Variants in SCFD2 observed in about 807,000 individuals in gnomAD.
The protein encoded by SCFD2 is sec1 family domain-containing protein 2.
A neutral mutation model predicts 58.9 loss-of-function variants in SCFD2; 54 were observed. That is an observed-to-expected ratio of 0.92 (90% CI 0.74 to 1.15). The LOEUF (loss-of-function observed/expected upper bound fraction) is 1.15. SCFD2 is among the 50% of genes most tolerant of loss of function. The pLI is 0.00. For missense variants in SCFD2, 805 were observed against 836.6 expected (o/e 0.96, Z 0.47); for synonymous variants, 321 against 335.9 (o/e 0.96, Z 0.49).
intron 5 of SCFD2, among the ~76,000 whole-genome samples, chr4:53,115,322 C>A (rs1369910546): frequency 6.6e-6 from 1 of 151,956 alleles, no homozygotes; most frequent in Non-Finnish European, 1.5e-5. Context: ...ATAAGATTAA[C>A]CCAAAGAAGA....
intron 5 of SCFD2, among the ~76,000 whole-genome samples, chr4:53,063,914 T>C (rs960833879): frequency 6.6e-6 from 1 of 152,092 alleles, no homozygotes; most frequent in African/African-American, 2.4e-5. Flanking sequence ...GCATCAACTG[T>C]CTAGCCCGGA....
intron 7 of SCFD2, among the ~76,000 whole-genome samples, chr4:52,896,379 T>C (rs1325045923): frequency 6.6e-6 from 1 of 152,228 alleles, no homozygotes; most frequent in East Asian, 1.9e-4. Flanking sequence ...TTTCTACATA[T>C]GGCTAGCCAG....
intron 4 of SCFD2, among the ~76,000 whole-genome samples, chr4:53,255,860 T>A (rs1253729035): frequency 7.5e-6 from 1 of 133,146 alleles, no homozygotes; most frequent in Admixed American, 7.3e-5. Flanking sequence ...CCCACCTCCA[T>A]CCCGGACGGG....
At chr4:53,300,099 T>C (rs541370692) in intron 3 of SCFD2, among the ~76,000 whole-genome samples, 4 of 152,068 alleles carry the variant, frequency 2.6e-5, no homozygotes, top group Non-Finnish European at 4.4e-5. Context: ...CACATAACAA[T>C]ACTAACCTTA....
chr4:53,185,373 T>A (rs1727705801), intron 4 of SCFD2, among the ~76,000 whole-genome samples: 1 of 152,084 alleles, frequency 6.6e-6, no homozygotes, highest in Non-Finnish European at 1.5e-5. Flanking sequence ...ATTACAGAAG[T>A]AAGTAACTCT....
Position 53,352,702 on chromosome 4 carries a change from T to C in SCFD2, c.903A>G (p.Pro301=). Residue 301 remains proline (P), a synonymous_variant, in exon 2 of 9, where the codon CCA becomes CCG. Transcript: ENST00000401642. ...EKIISALPQL[P]GHTNDVMVNM... ...TAACCATCACATCATTTGTGTGGCC[T>C]GGGAGCTGGGGAAGTGCTGAAATGA... The C allele has an allele frequency of 6.2e-7, 1 of 1,614,110 alleles. No individual in the cohort carries two copies. The highest frequency in any genetic ancestry group is 8.5e-7 in the Non-Finnish European group (1 of 1,179,972).
intron 5 of SCFD2, among the ~76,000 whole-genome samples, chr4:52,923,597 TG>T (rs966483882): frequency 7.9e-5 from 12 of 151,950 alleles, no homozygotes; most frequent in African/African-American, 2.9e-4. Flanking sequence ...TGCAGGGGAT[TG>T]GGGGGTAGGG....
chr4:53,087,815 C>G (rs147049078), intron 5 of SCFD2, among the ~76,000 whole-genome samples: 1 of 151,938 alleles, frequency 6.6e-6, no homozygotes, highest in Non-Finnish European at 1.5e-5. Context: ...CACCCACCAC[C>G]GTGCCCAGCT....
intron 5 of SCFD2, among the ~76,000 whole-genome samples, chr4:53,131,876 G>A (rs1180798468): frequency 1.3e-5 from 2 of 152,160 alleles, no homozygotes; most frequent in Non-Finnish European, 2.9e-5. Context: ...CTAATGTAGA[G>A]TTAACAAGAG....
chr4:52,878,207 T>C (rs1172484666), intron 8 of SCFD2, among the ~76,000 whole-genome samples: 3 of 152,170 alleles, frequency 2.0e-5, no homozygotes, highest in Non-Finnish European at 2.9e-5. Context: ...GCCTGACACA[T>C]AGCAGGTCTT....
chr4:52,894,642 G>C (rs898642240), intron 7 of SCFD2, among the ~76,000 whole-genome samples: 3 of 152,222 alleles, frequency 2.0e-5, no homozygotes, highest in African/African-American at 7.2e-5. Flanking sequence ...TGCCAAAGCT[G>C]TTTCTCCCTA....
At chr4:53,056,746 G>A (rs1297709237) in intron 5 of SCFD2, among the ~76,000 whole-genome samples, 3 of 152,114 alleles carry the variant, frequency 2.0e-5, no homozygotes, top group Admixed American at 6.6e-5. Context: ...CCACTCTTCA[G>A]TTTTAGATCC....
At chr4:52,998,807 T>A (rs1721800879) in intron 5 of SCFD2, among the ~76,000 whole-genome samples, 1 of 152,166 alleles carries the variant, frequency 6.6e-6, no homozygotes, top group Admixed American at 6.5e-5. Context: ...TAATCAATAA[T>A]AATAATAATA....
At chr4:53,298,009 C>G (rs1442357483) in intron 3 of SCFD2, among the ~76,000 whole-genome samples, 7 of 152,086 alleles carry the variant, frequency 4.6e-5, no homozygotes, top group Admixed American at 3.3e-4. Context: ...TCTACAGCTC[C>G]CAGCATGAAC....
chr4:53,111,236 G>C (rs1725164715), intron 5 of SCFD2, among the ~76,000 whole-genome samples: 1 of 151,962 alleles, frequency 6.6e-6, no homozygotes. Flanking sequence ...ACATAAGGTA[G>C]GTGATGGGTT....
At chr4:53,194,418 T>A (rs1577827406) in intron 4 of SCFD2, among the ~76,000 whole-genome samples, 1 of 152,306 alleles carries the variant, frequency 6.6e-6, no homozygotes, top group East Asian at 1.9e-4. Flanking sequence ...ATTATATAAG[T>A]TATTGCTAGC....
rs377047272 is a variant in SCFD2, at chr4:52,890,388, T to C, written c.1843-4522A>G. ...CAAATAAATGGGTCCAATTAATGCA[T>C]GTTGGTGTTTGCTATTTTGGTTTCT... On this transcript the variant is annotated intron_variant, in intron 7 of 8. Transcript: ENST00000401642. 4.8e-4 allele frequency among the ~76,000 whole-genome samples: 73 copies of C among 152,332 alleles called. 1 individual carries two copies. Among genetic ancestry groups the C allele is most frequent in the African/African-American group, 1.6e-3 (68 of 41,580 alleles).
chr4:53,330,432 G>A (rs1468686977), intron 2 of SCFD2, among the ~76,000 whole-genome samples: 1 of 151,952 alleles, frequency 6.6e-6, no homozygotes, highest in Non-Finnish European at 1.5e-5. Context: ...GAGAGTGGGG[G>A]GCAATATTCA....
rs1003114289 is a variant in SCFD2 at position 53,278,063 on chromosome 4, C to CA, written c.1136-4063dup. On this transcript the variant is annotated intron_variant, in intron 3 of 8. Transcript: ENST00000401642. ...CGAGACTCCGTCTCAAAACAAAAAA[C>CA]AAAAAAAAAAAAAACAGTCCTCGCC... Among the ~76,000 whole-genome samples the CA allele has an allele frequency of 4.0e-3, 543 of 136,116 alleles. 3 individuals carry two copies. The highest frequency in any genetic ancestry group is 7.9e-3 in the African/African-American group (292 of 37,086). The allele number at this position is 136,116 out of a possible 152,430, so 89.3% of individuals were successfully genotyped here. A position where few individuals can be genotyped will look rare whatever the true frequency, so the allele number is the denominator to read the frequency against.
Sources: allele counts gnomAD v4.1 joint callset (sites outside exome capture counted in the v4.1 genomes callset), GRCh38; gene constraint gnomAD v4.1.1; transcripts MANE v1.5; gene names NCBI Gene and HGNC (gene_info 2026-07-23, HGNC 2026-07-21).